CNTN4: variants seen among roughly 807,000 people sequenced by gnomAD.
CNTN4 encodes contactin 4.
A neutral mutation model predicts 122.5 loss-of-function variants in CNTN4; 77 were observed. That is an observed-to-expected ratio of 0.63 (90% CI 0.52 to 0.76). The LOEUF is 0.76. Ranked by LOEUF, CNTN4 falls within the 30% of genes least tolerant of loss-of-function variation. The pLI, the probability that CNTN4 is intolerant of heterozygous loss-of-function variation, is 0.00. For synonymous variants in CNTN4, 512 were observed against 447.0 expected, an observed-to-expected ratio of 1.15 and a Z score of -1.83; for missense variants, 1,256 against 1,259.1, an observed-to-expected ratio of 1.00 and a Z score of 0.04.
chr3:2,217,002 G>T (rs1459436004), intron 2 of CNTN4, among the ~76,000 whole-genome samples: 2 of 152,082 alleles, frequency 1.3e-5, no homozygotes, highest in Admixed American at 1.3e-4. Context: ...AAAAGCTCTT[G>T]GCCCCACATT....
chr3:2,505,921 A>G (rs2076718475), intron 3 of CNTN4, among the ~76,000 whole-genome samples: 1 of 152,222 alleles, frequency 6.6e-6, no homozygotes, highest in Non-Finnish European at 1.5e-5. Flanking sequence ...CATTTTCTGA[A>G]AGCATGGAGG....
intron 3 of CNTN4, among the ~76,000 whole-genome samples, chr3:2,540,648 A>C (rs912797052): frequency 5.3e-5 from 8 of 152,136 alleles, no homozygotes; most frequent in Non-Finnish European, 1.2e-4. Context: ...AGAAGTATAG[A>C]TATTAAATAG....
At chr3:2,247,061 A>T (rs922514918) in intron 2 of CNTN4, among the ~76,000 whole-genome samples, 2 of 152,036 alleles carry the variant, frequency 1.3e-5, no homozygotes, top group Non-Finnish European at 2.9e-5. Context: ...CACAAAGCAC[A>T]TATGCATTGT....
At chr3:2,653,791 C>G (rs2083463454) in intron 4 of CNTN4, among the ~76,000 whole-genome samples, 1 of 152,136 alleles carries the variant, frequency 6.6e-6, no homozygotes, top group Admixed American at 6.5e-5. Context: ...AGAATGGACA[C>G]TAAATGAATG....
chr3:2,944,155 G>T (rs6805012), intron 13 of CNTN4, among the ~76,000 whole-genome samples: 20,022 of 146,108 alleles, frequency 0.14, 1,545 homozygotes, highest in Non-Finnish European at 0.18. Flanking sequence ...TTTTTGGGGG[G>T]TTTTTTTTTT....
At chr3:2,326,449 T>C (rs1451379899) in intron 2 of CNTN4, among the ~76,000 whole-genome samples, 1 of 151,180 alleles carries the variant, frequency 6.6e-6, no homozygotes, top group Admixed American at 6.6e-5. Flanking sequence ...CTTGTCAGCC[T>C]CCTTAATTGT....
intron 2 of CNTN4, among the ~76,000 whole-genome samples, chr3:2,187,279 T>C (rs578024757): frequency 2.6e-4 from 39 of 152,346 alleles, no homozygotes; most frequent in African/African-American, 6.3e-4. Context: ...TCGGTTCCAT[T>C]GATCTATATC....
chr3:2,317,571 G>C (rs998648911), intron 2 of CNTN4, among the ~76,000 whole-genome samples: 1 of 152,120 alleles, frequency 6.6e-6, no homozygotes, highest in East Asian at 1.9e-4. Context: ...GATCACCGAG[G>C]CATTTCTTTA....
At chr3:2,249,962 G>C (rs1331849226) in intron 2 of CNTN4, among the ~76,000 whole-genome samples, 1 of 151,740 alleles carries the variant, frequency 6.6e-6, no homozygotes, top group Non-Finnish European at 1.5e-5. Context: ...GCCAGAAATG[G>C]ATGTAAAGCA....
At chr3:2,723,544 C>T (rs1392036059) in intron 4 of CNTN4, among the ~76,000 whole-genome samples, 1 of 152,158 alleles carries the variant, frequency 6.6e-6, no homozygotes, top group Non-Finnish European at 1.5e-5. Flanking sequence ...GGGATGAAGG[C>T]TGTGTCTTCA....
chr3:2,377,786 A>ATTTTT (rs2045877193), intron 3 of CNTN4, among the ~76,000 whole-genome samples: 1 of 94,672 alleles, frequency 1.1e-5, no homozygotes, highest in Non-Finnish European at 2.3e-5. Context: ...TTTTTTTTTA[A>ATTTTT]CCTCATCAGT....
chr3:2,285,063 A>G (rs2041853600), intron 2 of CNTN4, among the ~76,000 whole-genome samples: 1 of 151,972 alleles, frequency 6.6e-6, no homozygotes, highest in African/African-American at 2.4e-5. Flanking sequence ...AATGATACAA[A>G]TTTTAGAATG....
At chr3:2,601,367 T>C (rs2081038260) in intron 4 of CNTN4, among the ~76,000 whole-genome samples, 1 of 152,216 alleles carries the variant, frequency 6.6e-6, no homozygotes. Context: ...CCATCTTGAA[T>C]TAATTTTTGT....
intron 6 of CNTN4, among the ~76,000 whole-genome samples, chr3:2,760,016 T>C (rs1261322417): frequency 6.6e-6 from 1 of 152,244 alleles, no homozygotes; most frequent in Admixed American, 6.5e-5. Flanking sequence ...TCATTTTTAA[T>C]CCTTTGCCCA....
chr3:2,527,987 T>G (rs2077463343), intron 3 of CNTN4, among the ~76,000 whole-genome samples: 1 of 152,200 alleles, frequency 6.6e-6, no homozygotes, highest in South Asian at 2.1e-4. Flanking sequence ...GTTTTCAATG[T>G]TCTTTCATTT....
At chr3:2,120,406 T>TATAAATATATATATATATATATATA (rs1491534107) in intron 2 of CNTN4, among the ~76,000 whole-genome samples, 1 of 24,560 alleles carries the variant, frequency 4.1e-5, no homozygotes, top group Admixed American at 5.2e-4. Context: ...TATATATATA[T>TATAAATATATATATATATATATATA]TTTTTTTTTT....
intron 14 of CNTN4, among the ~76,000 whole-genome samples, chr3:2,990,691 C>G (rs184630215): frequency 7.0e-4 from 106 of 152,296 alleles, no homozygotes; most frequent in African/African-American, 2.4e-3. Context: ...GCAAAGCCTA[C>G]AAATATATCA....
chr3:2,397,999 A>G (rs2046702558), intron 3 of CNTN4, among the ~76,000 whole-genome samples: 3 of 152,158 alleles, frequency 2.0e-5, no homozygotes, highest in Admixed American at 2.0e-4. Context: ...CTTGAGTGAT[A>G]AAAGTACCTT....
At chr3:2,566,607 G>A (rs529402550) in intron 3 of CNTN4, among the ~76,000 whole-genome samples, 4 of 152,024 alleles carry the variant, frequency 2.6e-5, no homozygotes, top group South Asian at 2.1e-4. Flanking sequence ...TTTGGTGGGG[G>A]CCAGGAGGCA....
Sources: gnomAD v4.1 joint callset for allele counts (sites outside exome capture counted in the v4.1 genomes callset) on GRCh38, gnomAD v4.1.1 for gene constraint, MANE v1.5 for transcripts, NCBI Gene and HGNC (gene_info 2026-07-23, HGNC 2026-07-21) for gene names.